ZNF43: variants seen among roughly 807,000 people sequenced by gnomAD.
ZNF43 encodes zinc finger protein 43, also known as zinc finger protein 39-like 1 (KOX 27).
A neutral mutation model predicts 68.4 loss-of-function variants in ZNF43; 44 were observed. The ratio of observed to expected loss-of-function variants is 0.64; its 90% confidence interval spans 0.51 to 0.83. The LOEUF is 0.83. ZNF43 is among the 40% of genes least tolerant of loss of function. ZNF43 has a pLI of 0.00. For missense variants in ZNF43, 896 were observed against 933.2 expected (o/e 0.96, Z 0.52); for synonymous variants, 308 against 307.8 (o/e 1.00, Z -0.01).
At chr19:21,831,616 C>A (rs1252001302) in intron 1 of ZNF43, among the ~76,000 whole-genome samples, 1 of 152,072 alleles carries the variant, frequency 6.6e-6, no homozygotes, top group Non-Finnish European at 1.5e-5. Flanking sequence ...ACCTCGGCCT[C>A]CCAAAATTGC....
chr19:21,807,535 C>T lies in ZNF43; in HGVS notation c.*72G>A, dbSNP rs548625244. On this transcript the variant is annotated 3_prime_UTR_variant, in exon 4 of 4. Coordinates refer to ENST00000354959, the MANE Select transcript of ZNF43 (RefSeq NM_003423.4). ...ACTCCAATGTAAATTATCTTACCTA[C>T]AATCAAGTGTGACAACCATGTAAAG... 1.6e-5 allele frequency: 21 copies of T among 1,343,488 alleles called. No individual in the cohort carries two copies. The South Asian group carries it at 3.1e-4, about 20-fold the overall frequency. 83.2% of individuals were successfully genotyped at this position (1,343,488 alleles called of 1,614,324 possible). A position where few individuals can be genotyped will look rare whatever the true frequency, so the allele number is the denominator to read the frequency against.
rs192317284 is a variant in ZNF43, at chr19:21,819,546, C to T, written c.4-325G>A. ...TATTTGCATCATACAGAATCAGTTG[C>T]GAATATTTTTCAGATAAAGACATGT... On this transcript the variant is annotated intron_variant, in intron 1 of 3. Coordinates refer to ENST00000354959, the MANE Select transcript of ZNF43 (RefSeq NM_003423.4). Among the ~76,000 whole-genome samples the T allele has an allele frequency of 3.8e-3, 580 of 152,064 alleles. 2 individuals carry two copies. Among genetic ancestry groups the T allele is most frequent in the African/African-American group, 0.012 (491 of 41,476 alleles).
At chr19:21,826,741 C>A (rs1201218084) in intron 1 of ZNF43, among the ~76,000 whole-genome samples, 1 of 151,648 alleles carries the variant, frequency 6.6e-6, no homozygotes, top group African/African-American at 2.4e-5. Context: ...GAGGCTGAGG[C>A]AGGGGAATCA....
chr19:21,846,781 T>C (rs2145421107), intron 1 of ZNF43, among the ~76,000 whole-genome samples: 1 of 152,298 alleles, frequency 6.6e-6, no homozygotes, highest in South Asian at 2.1e-4. Context: ...AAATCACCTG[T>C]GTGACTGGTG....
At chr19:21,835,515 G>A (rs2038675187) in intron 1 of ZNF43, among the ~76,000 whole-genome samples, 1 of 150,984 alleles carries the variant, frequency 6.6e-6, no homozygotes, top group African/African-American at 2.4e-5. Flanking sequence ...GCGCCACCAC[G>A]CCCAGCTAAT....
chr19:21,834,706 T>C (rs953031906), intron 1 of ZNF43, among the ~76,000 whole-genome samples: 5 of 147,802 alleles, frequency 3.4e-5, no homozygotes, highest in African/African-American at 1.0e-4. Context: ...TGAGCTGAGA[T>C]TGCACCATTG....
chr19:21,813,222 G>A (rs1380331058), intron 3 of ZNF43, among the ~76,000 whole-genome samples: 2 of 149,020 alleles, frequency 1.3e-5, no homozygotes, highest in African/African-American at 2.5e-5. Flanking sequence ...CAGCCTAGGC[G>A]ACAAGAGTGA....
At chr19:21,828,175 T>C (rs1483535767) in intron 1 of ZNF43, among the ~76,000 whole-genome samples, 1 of 152,234 alleles carries the variant, frequency 6.6e-6, no homozygotes, top group African/African-American at 2.4e-5. Flanking sequence ...TATCTAAGTA[T>C]AACCAACTTT....
At chr19:21,815,486 CATATATAT>C (rs58951070) in intron 3 of ZNF43, among the ~76,000 whole-genome samples, 6 of 139,544 alleles carry the variant, frequency 4.3e-5, no homozygotes, top group South Asian at 2.4e-4. Flanking sequence ...AACTAAATTA[CATATATAT>C]ATATATATAT....
rs1012614380 is a variant in ZNF43, at chr19:21,833,303, T to C, written c.3+2733A>G. On this transcript the variant is annotated intron_variant, in intron 1 of 3. Coordinates refer to ENST00000354959, the MANE Select transcript of ZNF43 (RefSeq NM_003423.4). ...TATTTTTTAAACAGAGTTTCCCTCTTGTCGCCCAGGCTGAGTACAATGGCG... is the reference window on the plus strand; with the variant it reads ...TATTTTTTAAACAGAGTTTCCCTCTCGTCGCCCAGGCTGAGTACAATGGCG... Among the ~76,000 whole-genome samples the C allele has an allele frequency of 2.3e-4, 35 of 152,172 alleles. 1 individual carries two copies. Among genetic ancestry groups the C allele is most frequent in the Admixed American group, 2.2e-3 (34 of 15,268 alleles).
intron 1 of ZNF43, among the ~76,000 whole-genome samples, chr19:21,833,409 A>C (rs78691551): frequency 0.042 from 6,455 of 152,060 alleles, 407 homozygotes; most frequent in African/African-American, 0.14. Flanking sequence ...CTGGGATTAC[A>C]GGCGCCTGCC....
chr19:21,808,160 T>C lies in ZNF43; in HGVS notation c.1877A>G (p.Glu626Gly). 6.2e-7 allele frequency: 1 copy of C among 1,613,326 alleles called. No homozygotes were observed. The change falls in exon 4 of 4, where the codon GAA becomes GGA. Residue 626 changes from glutamate to glycine, a missense_variant. By Grantham distance (98) the Glu-to-Gly change is moderately conservative. Transcript: ENST00000354959. The part of the protein sequence containing the change: ...HTGGKPYKCE[E>G]CGKAFNQFST... Reference sequence around the variant, plus strand: ...GAACTGGTTAAAAGCTTTGCCACATTCTTCACATTTGTAGGGTTTTCCTCC... The same window carrying C: ...GAACTGGTTAAAAGCTTTGCCACATCCTTCACATTTGTAGGGTTTTCCTCC...
At chr19:21,845,850 GC>G (rs1053067635) in intron 1 of ZNF43, among the ~76,000 whole-genome samples, 13 of 150,140 alleles carry the variant, frequency 8.7e-5, no homozygotes, top group Admixed American at 7.3e-4. Context: ...CCGAGATTAT[GC>G]CATTGCACTC....
At chr19:21,819,330 C>T in intron 1 of ZNF43, 109 bp from the exon 2 acceptor site, 2 of 1,286,554 alleles carry the variant, frequency 1.6e-6, no homozygotes, top group Non-Finnish European at 2.1e-6. Context: ...AGAACAGGTA[C>T]TGACTTATAG....
At chr19:21,836,216 C>G (rs2038727584), upstream of ZNF43, 2 of 1,454,224 alleles carry the variant, frequency 1.4e-6, no homozygotes, top group African/African-American at 1.4e-5. Context: ...GCCGCCCTGT[C>G]CTCTCCTGCC....
intron 1 of ZNF43, among the ~76,000 whole-genome samples, chr19:21,844,921 A>AAATATATAT (rs1310761266): frequency 2.3e-4 from 6 of 26,048 alleles, no homozygotes; most frequent in South Asian, 1.1e-3. Context: ...AAAAAAAAAA[A>AAATATATAT]ATATATATAT....
At chr19:21,848,100 G>A (rs764868904) in intron 1 of ZNF43, among the ~76,000 whole-genome samples, 182 of 151,946 alleles carry the variant, frequency 1.2e-3, no homozygotes, top group Non-Finnish European at 2.2e-3. Context: ...CATTACAGGC[G>A]TGAGGCCACT....
intron 1 of ZNF43, among the ~76,000 whole-genome samples, chr19:21,821,315 T>A (rs1166273210): frequency 6.6e-6 from 1 of 151,974 alleles, no homozygotes; most frequent in African/African-American, 2.4e-5. Context: ...CCTGCTATTT[T>A]TTTTGTATTT....
chr19:21,824,199 G>GA (rs1240472574), intron 1 of ZNF43, among the ~76,000 whole-genome samples: 4 of 152,130 alleles, frequency 2.6e-5, no homozygotes, highest in Admixed American at 1.3e-4. Context: ...AAAGAAAATA[G>GA]AACTGCCCTG....
Sources: allele counts gnomAD v4.1 joint callset (sites outside exome capture counted in the v4.1 genomes callset), GRCh38; gene constraint gnomAD v4.1.1; transcripts MANE v1.5; gene names NCBI Gene and HGNC (gene_info 2026-07-23, HGNC 2026-07-21).